The following GOLPH3L variants were observed in gnomAD, a reference collection of about 807,000 sequenced individuals.
The protein encoded by GOLPH3L is golgi phosphoprotein 3 like.
A neutral mutation model predicts 30.3 loss-of-function variants in GOLPH3L; 22 were observed. That is an observed-to-expected ratio of 0.73 (90% CI 0.52 to 1.04). The LOEUF is 1.04. Ranked by LOEUF, GOLPH3L falls within the 50% of genes least tolerant of loss-of-function variation. The pLI, the probability that GOLPH3L is intolerant of heterozygous loss-of-function variation, is 0.00. For missense variants in GOLPH3L, 303 were observed against 345.8 expected (o/e 0.88, Z 0.98); for synonymous variants, 120 against 128.2 (o/e 0.94, Z 0.43).
At chr1:150,648,807 G>A in intron 4 of GOLPH3L, 59 bp from the exon 5 acceptor site, 1 of 1,056,776 alleles carries the variant, frequency 9.5e-7, no homozygotes. Flanking sequence ...AATGAAACAT[G>A]TAGTTGTTTG....
At chr1:150,684,856 TG>T (rs370029472) in intron 2 of GOLPH3L, among the ~76,000 whole-genome samples, 213 of 152,154 alleles carry the variant, frequency 1.4e-3, no homozygotes, top group African/African-American at 4.9e-3. Flanking sequence ...TTAGTAGAGA[TG>T]GGGTTTCACC....
chr1:150,651,642 C>CAAAAAAAAAA (rs59940841), intron 4 of GOLPH3L, among the ~76,000 whole-genome samples: 3 of 60,826 alleles, frequency 4.9e-5, no homozygotes, highest in African/African-American at 7.2e-5. Flanking sequence ...GAGCGAAACT[C>CAAAAAAAAAA]AAAAAAAAAA....
chr1:150,663,864 A>G (rs866501403), intron 2 of GOLPH3L, 101 bp from the exon 3 acceptor site: 1 of 869,780 alleles, frequency 1.1e-6, no homozygotes, highest in Non-Finnish European at 1.9e-6. Flanking sequence ...TTCGTTTCAC[A>G]TCATACTACA....
At chr1:150,663,893 T>TA in intron 2 of GOLPH3L, 130 bp from the exon 3 acceptor site, 1 of 611,494 alleles carries the variant, frequency 1.6e-6, no homozygotes, top group East Asian at 2.9e-5. Flanking sequence ...AAGTATAGAG[T>TA]AAGAGGATGT....
chr1:150,681,597 T>C (rs1384169675), intron 2 of GOLPH3L, among the ~76,000 whole-genome samples: 3 of 151,886 alleles, frequency 2.0e-5, no homozygotes, highest in African/African-American at 4.8e-5. Context: ...CTCAGGGAGG[T>C]TGCAGACTAA....
rs587758563 is a variant in GOLPH3L, at chr1:150,655,418, T to C, written c.430+6396A>G. Among the ~76,000 whole-genome samples the C allele has an allele frequency of 6.6e-5, 10 of 152,290 alleles. No individual in the cohort carries two copies. In the South Asian group the frequency reaches 1.9e-3, roughly 28 times the overall value. ...TATTACAACAATGGGGAGCACAAGT[T>C]CTAATTCCAGAGCAATTATATAGCC... On this transcript the variant is annotated intron_variant, in intron 4 of 4. Coordinates refer to ENST00000271732, the MANE Select transcript of GOLPH3L (RefSeq NM_018178.6).
chr1:150,683,595 C>T (rs1557788452), intron 2 of GOLPH3L, among the ~76,000 whole-genome samples: 1 of 141,528 alleles, frequency 7.1e-6, no homozygotes, highest in South Asian at 2.3e-4. Flanking sequence ...CCCAGCTACT[C>T]GGGAGGCTGA....
intron 2 of GOLPH3L, among the ~76,000 whole-genome samples, chr1:150,667,718 G>A (rs1406653953): frequency 4.0e-5 from 6 of 151,126 alleles, no homozygotes; most frequent in South Asian, 4.2e-4. Flanking sequence ...CTCAGCCTCC[G>A]AGTAGCTGGG....
intron 4 of GOLPH3L, among the ~76,000 whole-genome samples, chr1:150,654,002 A>C (rs1384880064): frequency 6.6e-6 from 1 of 151,446 alleles, no homozygotes; most frequent in Admixed American, 6.6e-5. Flanking sequence ...ACCTCCAGTG[A>C]TCCACCTGCC....
intron 2 of GOLPH3L, among the ~76,000 whole-genome samples, chr1:150,685,079 G>T (rs747660735): frequency 3.9e-5 from 6 of 152,220 alleles, no homozygotes; most frequent in African/African-American, 1.4e-4. Flanking sequence ...TTTATGACTA[G>T]AATATCTTGT....
Position 150,663,775 on chromosome 1 carries a change from GAA to G in GOLPH3L, c.184-14_184-13del. 6.2e-7 allele frequency: 1 copy of G among 1,610,384 alleles called. No homozygotes were observed. The highest frequency in any genetic ancestry group is 2.2e-5 in the East Asian group (1 of 44,814). On this transcript the variant is annotated splice_polypyrimidine_tract_variant and intron_variant, in intron 2 of 4. Coordinates refer to ENST00000271732, the MANE Select transcript of GOLPH3L (RefSeq NM_018178.6). ...AAAGATGTGTACCCCTAGGAAAGGA[GAA>G]AAGAGAAGAGAAAGAATGTTTTGAG... is the stretch of plus-strand genomic sequence containing the variant.
intron 3 of GOLPH3L, among the ~76,000 whole-genome samples, chr1:150,663,211 T>A (rs1038807984): frequency 5.3e-4 from 80 of 152,076 alleles, no homozygotes; most frequent in African/African-American, 1.7e-3. Flanking sequence ...ATTTTTTTTT[T>A]AAATATTTCT....
At chr1:150,677,841 G>T (rs753095162) in intron 2 of GOLPH3L, among the ~76,000 whole-genome samples, 8 of 151,058 alleles carry the variant, frequency 5.3e-5, no homozygotes, top group Non-Finnish European at 8.9e-5. Context: ...GCCCAAGCTG[G>T]TCTCAAACTC....
At chr1:150,650,079 CAG>C (rs1001680888) in intron 4 of GOLPH3L, among the ~76,000 whole-genome samples, 26 of 152,190 alleles carry the variant, frequency 1.7e-4, no homozygotes, top group African/African-American at 5.8e-4. Context: ...GAGAAGAAAT[CAG>C]AGAGGGAACT....
chr1:150,685,046 C>A (rs1196303751), intron 2 of GOLPH3L, among the ~76,000 whole-genome samples: 3 of 152,156 alleles, frequency 2.0e-5, no homozygotes, highest in Non-Finnish European at 1.5e-5. Flanking sequence ...GTTATTCAAA[C>A]TTCTTACTTG....
At chr1:150,675,671 G>C (rs587609162) in intron 2 of GOLPH3L, among the ~76,000 whole-genome samples, 1 of 151,566 alleles carries the variant, frequency 6.6e-6, no homozygotes, top group South Asian at 2.1e-4. Flanking sequence ...AGCTACTTGG[G>C]AGGCTGAGGC....
chr1:150,654,519 A>C (rs946420943), intron 4 of GOLPH3L, among the ~76,000 whole-genome samples: 11 of 151,080 alleles, frequency 7.3e-5, no homozygotes, highest in Admixed American at 5.3e-4. Context: ...AAAAAAAAAA[A>C]CAAAAAAACA....
Position 150,697,085 on chromosome 1 carries a change from G to A in GOLPH3L, c.-106C>T, listed in dbSNP as rs1651380070. The A allele has an allele frequency of 6.6e-6, 1 of 150,520 alleles. No homozygotes were observed. The highest frequency in any genetic ancestry group is 6.6e-5 in the Admixed American group (1 of 15,084). 9.3% of individuals were successfully genotyped at this position (150,520 alleles called of 1,614,324 possible). The stretch of plus-strand genomic sequence containing the variant: ...TTCTCCCCACCCCACCCCCGTCCTA[G>A]TAGGTGAAAAACTTAGCCACGCAGA... On this transcript the variant is annotated 5_prime_UTR_variant, in exon 1 of 5. Transcript: ENST00000271732.
chr1:150,696,476 T>C (rs754136585), intron 1 of GOLPH3L, among the ~76,000 whole-genome samples: 1 of 152,190 alleles, frequency 6.6e-6, no homozygotes, highest in Non-Finnish European at 1.5e-5. Context: ...TATTGTCTTC[T>C]TGGGTTTATA....
Sources: allele counts gnomAD v4.1 joint callset (sites outside exome capture counted in the v4.1 genomes callset), GRCh38; gene constraint gnomAD v4.1.1; transcripts MANE v1.5; gene names NCBI Gene and HGNC (gene_info 2026-07-23, HGNC 2026-07-21).